Variants in SMAD2 observed in about 807,000 individuals in gnomAD.
SMAD2 encodes SMAD family member 2.
SMAD2 carries 8 observed loss-of-function variants against 64.4 expected under a neutral mutation model. That is an observed-to-expected ratio of 0.12 (90% CI 0.07 to 0.22). The LOEUF (loss-of-function observed/expected upper bound fraction) is 0.22. Ranked by LOEUF, SMAD2 falls within the 10% of genes least tolerant of loss-of-function variation. The pLI, the probability that SMAD2 is intolerant of heterozygous loss-of-function variation, is 1.00. For synonymous variants in SMAD2, 203 were observed against 195.8 expected, an observed-to-expected ratio of 1.04 and a Z score of -0.31; for missense variants, 289 against 561.2, an observed-to-expected ratio of 0.51 and a Z score of 4.90.
rs1429275545 is a variant in SMAD2, at chr18:47,841,048, T to A, written c.*779A>T. 4.3e-6 allele frequency: 1 copy of A among 232,394 alleles called. No individual in the cohort carries two copies. The highest frequency in any genetic ancestry group is 6.1e-5 in the East Asian group (1 of 16,518). 14.4% of individuals were successfully genotyped at this position (232,394 alleles called of 1,614,324 possible). On this transcript the variant is annotated 3_prime_UTR_variant, in exon 11 of 11. Transcript: ENST00000262160. ...GCAACTATTACTGGTGATGATGTCA[T>A]GTTATGCTGTTTTGATTATGAGGAC... is the stretch of plus-strand genomic sequence containing the variant.
intron 6 of SMAD2, among the ~76,000 whole-genome samples, chr18:47,852,368 T>C (rs2030193851): frequency 6.6e-6 from 1 of 152,194 alleles, no homozygotes; most frequent in Non-Finnish European, 1.5e-5. Context: ...ATCTTACTCT[T>C]GACTTTTAGG....
In SMAD2 at chr18:47,930,527, G is replaced by T. The variant is rs1452211654; in HGVS notation, c.-220C>A. ...CCGCCGTCTTCCCGCCCCGCCCCCA[G>T]GCCCGGGCCCGGCCGGCGGCCCGGG... is the stretch of plus-strand genomic sequence containing the variant. On this transcript the variant is annotated 5_prime_UTR_variant, in exon 1 of 11. It adds an upstream start codon to the 5' untranslated region. Transcript: ENST00000262160. 13 of 150,564 alleles carry T rather than the reference G, an allele frequency of 8.6e-5. No homozygotes were observed. The highest frequency in any genetic ancestry group is 3.2e-4 in the African/African-American group (13 of 41,082). The allele number at this position is 150,564 out of a possible 1,614,324, so 9.3% of individuals were successfully genotyped here.
At position 47,862,924 on chromosome 18, in the gene SMAD2, T is replaced by C. The variant is rs1041583766; in HGVS notation, c.730+2135A>G. Among the ~76,000 whole-genome samples, 8 of 152,226 alleles carry C rather than the reference T, an allele frequency of 5.3e-5. No individual in the cohort carries two copies. The East Asian group carries it at 1.5e-3, about 29-fold the overall frequency. ...TCGAACTTATAAATTTCTTACGATG[T>C]CCAGCCTGATCTCTAATATCCACTA... On this transcript the variant is annotated intron_variant, in intron 6 of 10. Transcript: ENST00000262160.
rs1429435116 is a variant in SMAD2, at chr18:47,824,097, A to T, written c.*17730T>A. 2 of 152,234 alleles carry T rather than the reference A, an allele frequency of 1.3e-5. No individual in the cohort carries two copies. Among genetic ancestry groups the T allele is most frequent in the African/African-American group, 4.8e-5 (2 of 41,454 alleles). The allele number at this position is 152,234 out of a possible 1,614,324, so 9.4% of individuals were successfully genotyped here. A position where few individuals can be genotyped will look rare whatever the true frequency, so the allele number is the denominator to read the frequency against. On this transcript the variant is annotated 3_prime_UTR_variant, in exon 11 of 11. Coordinates refer to ENST00000262160, the MANE Select transcript of SMAD2 (RefSeq NM_005901.6). ...TGCAGGACCAGACCAATAACCCGGG[A>T]AAGGTCTATTCTGTCACCAAGGGAC...
At chr18:47,883,846 A>AT (rs2032747919) in intron 2 of SMAD2, among the ~76,000 whole-genome samples, 1 of 152,172 alleles carries the variant, frequency 6.6e-6, no homozygotes, top group Admixed American at 6.5e-5. Flanking sequence ...TTTGTGTTGA[A>AT]TAAGAAATCC....
chr18:47,811,469 C>CAAAAAAAAAAAAAAA lies in SMAD2; in HGVS notation c.*30343_*30357dup. ...TGGGCGACAGAGCGAGACCTCGTCT[C>CAAAAAAAAAAAAAAA]AAAAAAAAAAAAAAAAAAAAGAAAA... On this transcript the variant is annotated 3_prime_UTR_variant, in exon 11 of 11. Coordinates refer to ENST00000262160, the MANE Select transcript of SMAD2 (RefSeq NM_005901.6). 1.2e-5 allele frequency: 1 copy of CAAAAAAAAAAAAAAA among 82,646 alleles called. No individual in the cohort carries two copies. The highest frequency in any genetic ancestry group is 2.2e-5 in the Non-Finnish European group (1 of 44,584). The allele number at this position is 82,646 out of a possible 1,614,324, so 5.1% of individuals were successfully genotyped here.
chr18:47,873,528 T>A (rs1048433458), intron 2 of SMAD2, among the ~76,000 whole-genome samples: 9 of 152,148 alleles, frequency 5.9e-5, no homozygotes, highest in African/African-American at 2.2e-4. Context: ...TCCTACCAGA[T>A]TCTGAAGCAC....
intron 1 of SMAD2, among the ~76,000 whole-genome samples, chr18:47,920,913 G>C (rs748821376): frequency 6.6e-6 from 1 of 152,204 alleles, no homozygotes; most frequent in Non-Finnish European, 1.5e-5. Context: ...CCAAAACTTT[G>C]AGGGGCCGTG....
chr18:47,854,131 T>C (rs1489536963), intron 6 of SMAD2, among the ~76,000 whole-genome samples: 1 of 151,728 alleles, frequency 6.6e-6, no homozygotes, highest in East Asian at 1.9e-4. Context: ...GATTAGCCTA[T>C]GAATTATTCA....
Position 47,829,258 on chromosome 18 carries a change from A to C in SMAD2, c.*12569T>G, listed in dbSNP as rs1216598955. ...GCTCCCTTACCCAATCCCAACAAAC[A>C]ACCATCAATGTCCTATTCATTCATA... On this transcript the variant is annotated 3_prime_UTR_variant, in exon 11 of 11. Coordinates refer to ENST00000262160, the MANE Select transcript of SMAD2 (RefSeq NM_005901.6). The C allele has an allele frequency of 6.6e-6, 1 of 152,184 alleles. No homozygotes were observed. The highest frequency in any genetic ancestry group is 6.5e-5 in the Admixed American group (1 of 15,282). The allele number at this position is 152,184 out of a possible 1,614,324, so 9.4% of individuals were successfully genotyped here. A position where few individuals can be genotyped will look rare whatever the true frequency, so the allele number is the denominator to read the frequency against.
chr18:47,923,191 A>G (rs1195958713), intron 1 of SMAD2, among the ~76,000 whole-genome samples: 1 of 151,776 alleles, frequency 6.6e-6, no homozygotes, highest in Non-Finnish European at 1.5e-5. Flanking sequence ...AAAAAAAAAA[A>G]AAGCACCTAT....
chr18:47,926,736 T>C (rs1284002069), intron 1 of SMAD2, among the ~76,000 whole-genome samples: 3 of 152,174 alleles, frequency 2.0e-5, no homozygotes, highest in African/African-American at 7.2e-5. Flanking sequence ...CTCAAATACA[T>C]TTTACAATAG....
intron 1 of SMAD2, among the ~76,000 whole-genome samples, chr18:47,928,202 T>C (rs1015024771): frequency 3.9e-5 from 6 of 152,132 alleles, no homozygotes; most frequent in Admixed American, 2.6e-4. Flanking sequence ...AAAACACCTG[T>C]ATAAAAAAGC....
chr18:47,927,167 T>G (rs2034798712), intron 1 of SMAD2, among the ~76,000 whole-genome samples: 1 of 152,210 alleles, frequency 6.6e-6, no homozygotes, highest in Non-Finnish European at 1.5e-5. Context: ...GTGATCAAAT[T>G]AAGGTCAGAT....
At chr18:47,851,808 A>G (rs1467161576) in intron 6 of SMAD2, among the ~76,000 whole-genome samples, 1 of 152,156 alleles carries the variant, frequency 6.6e-6, no homozygotes, top group African/African-American at 2.4e-5. Flanking sequence ...AGCTATTTTC[A>G]ATCTTTTGCT....
chr18:47,862,699 A>C (rs1045340001), intron 6 of SMAD2, among the ~76,000 whole-genome samples: 2 of 152,254 alleles, frequency 1.3e-5, no homozygotes, highest in African/African-American at 4.8e-5. Flanking sequence ...ACACAGGCAG[A>C]TTAAAAAACC....
chr18:47,845,888 T>C, intron 8 of SMAD2, 88 bp from the exon 9 acceptor site: 2 of 1,161,832 alleles, frequency 1.7e-6, no homozygotes, highest in Non-Finnish European at 2.6e-6. Context: ...AATTCTAAAA[T>C]GATATAAGGT....
At chr18:47,902,383 T>G (rs2033719341) in intron 1 of SMAD2, among the ~76,000 whole-genome samples, 1 of 152,160 alleles carries the variant, frequency 6.6e-6, no homozygotes, top group Admixed American at 6.5e-5. Context: ...CTGCATCCTA[T>G]CCCCCAAAAC....
At chr18:47,873,776 G>C (rs543573204) in intron 2 of SMAD2, among the ~76,000 whole-genome samples, 1 of 152,302 alleles carries the variant, frequency 6.6e-6, no homozygotes, top group African/African-American at 2.4e-5. Flanking sequence ...TACTGGATGA[G>C]AGCTGCATTT....
Sources: allele counts gnomAD v4.1 joint callset (sites outside exome capture counted in the v4.1 genomes callset), GRCh38; gene constraint gnomAD v4.1.1; transcripts MANE v1.5; gene names NCBI Gene and HGNC (gene_info 2026-07-23, HGNC 2026-07-21).